Variants in DAPK1 observed in about 807,000 individuals in gnomAD.
DAPK1 encodes the protein death-associated protein kinase 1.
Under a neutral mutation model 144.9 loss-of-function variants are expected in DAPK1, and 56 were observed. The observed-to-expected ratio is 0.39, with a 90% CI of 0.31 to 0.48. The LOEUF (loss-of-function observed/expected upper bound fraction) is 0.48. Among genes scored for constraint, DAPK1 ranks in the 20% least tolerant of loss-of-function variants. The pLI, the probability that DAPK1 is intolerant of heterozygous loss-of-function variation, is 0.95. For synonymous variants in DAPK1, 690 were observed against 749.0 expected (o/e 0.92, Z 1.29); for missense variants, 1,454 against 1,875.4 (o/e 0.78, Z 4.15).
chr9:87,655,004 G>A (rs955575380), intron 17 of DAPK1, among the ~76,000 whole-genome samples: 10 of 152,220 alleles, frequency 6.6e-5, no homozygotes, highest in Admixed American at 2.6e-4. Context: ...TTTTCAGGCT[G>A]CAAATATCTA....
intron 2 of DAPK1, among the ~76,000 whole-genome samples, chr9:87,537,051 A>G (rs1418695044): frequency 6.6e-6 from 1 of 150,740 alleles, no homozygotes; most frequent in East Asian, 1.9e-4. Flanking sequence ...GCGATGGCCC[A>G]ATCTTGGCTC....
intron 2 of DAPK1, among the ~76,000 whole-genome samples, chr9:87,561,395 G>A (rs753951993): frequency 3.3e-5 from 5 of 151,932 alleles, no homozygotes; most frequent in African/African-American, 7.2e-5. Context: ...GCGTTGTGGC[G>A]GGCGCCTGTG....
intron 19 of DAPK1, among the ~76,000 whole-genome samples, chr9:87,670,995 G>A (rs960995474): frequency 1.3e-5 from 2 of 152,186 alleles, no homozygotes; most frequent in African/African-American, 4.8e-5. Flanking sequence ...CTGTTTGGAC[G>A]AGTCTGAAAA....
chr9:87,535,233 C>T (rs1381324113), intron 2 of DAPK1, among the ~76,000 whole-genome samples: 2 of 151,994 alleles, frequency 1.3e-5, no homozygotes, highest in Non-Finnish European at 2.9e-5. Flanking sequence ...CCATTAGCCC[C>T]CCTTTCGTTC....
At chr9:87,623,727 A>G (rs1352282398) in intron 3 of DAPK1, among the ~76,000 whole-genome samples, 1 of 152,072 alleles carries the variant, frequency 6.6e-6, no homozygotes, top group East Asian at 1.9e-4. Flanking sequence ...CCGGGGATCG[A>G]GCTAACATTT....
intron 3 of DAPK1, among the ~76,000 whole-genome samples, chr9:87,636,979 A>G (rs986011828): frequency 6.6e-6 from 1 of 152,174 alleles, no homozygotes; most frequent in Non-Finnish European, 1.5e-5. Context: ...GCAGTAGCCA[A>G]TAGCTGGGGT....
rs371793443 is a variant in DAPK1 at position 87,605,010 on chromosome 9, C to T, written c.119C>T (p.Ala40Val). 8.1e-6 allele frequency: 13 copies of T among 1,614,030 alleles called. No individual in the cohort carries two copies. Among genetic ancestry groups the T allele is most frequent in the Non-Finnish European group, 1.1e-5 (13 of 1,180,032 alleles). Reference protein sequence around the residue: ...CREKSTGLQYAAKFIKKRRTK... With the variant: ...CREKSTGLQYVAKFIKKRRTK... ...GAGAAAAGCACCGGCCTCCAGTATGCCGCCAAATTCATCAAGAAAAGGAGG... is the reference window on the plus strand; with the variant it reads ...GAGAAAAGCACCGGCCTCCAGTATGTCGCCAAATTCATCAAGAAAAGGAGG... Residue 40 changes from alanine to valine, a missense_variant, in exon 3 of 26, where the codon GCC (alanine) becomes GTC (valine). Physicochemically the swap from Ala to Val is moderately conservative, Grantham distance 64. Coordinates refer to ENST00000408954, the MANE Select transcript of DAPK1 (RefSeq NM_004938.4).
intron 3 of DAPK1, among the ~76,000 whole-genome samples, chr9:87,613,763 C>T (rs1256134662): frequency 1.3e-5 from 2 of 152,154 alleles, no homozygotes; most frequent in African/African-American, 4.8e-5. Context: ...TGGCACAGAG[C>T]CCTTCAGTCT....
chr9:87,637,765 G>A (rs1043396681), intron 3 of DAPK1, among the ~76,000 whole-genome samples, 178 bp from the exon 4 acceptor site: 2 of 152,204 alleles, frequency 1.3e-5, no homozygotes, highest in Non-Finnish European at 2.9e-5. Context: ...GCACAAATGT[G>A]TCTGAATGCA....
At chr9:87,666,287 GC>G (rs1831050143) in intron 18 of DAPK1, among the ~76,000 whole-genome samples, 1 of 152,106 alleles carries the variant, frequency 6.6e-6, no homozygotes, top group Non-Finnish European at 1.5e-5. Flanking sequence ...CCACCACATA[GC>G]CGGTGAGGGG....
chr9:87,510,004 G>A (rs950800084), intron 2 of DAPK1, among the ~76,000 whole-genome samples: 5 of 152,108 alleles, frequency 3.3e-5, no homozygotes, highest in East Asian at 1.9e-4. Flanking sequence ...TTTACAGTTC[G>A]CCCATTTAGA....
chr9:87,534,069 T>C (rs1225831955), intron 2 of DAPK1, among the ~76,000 whole-genome samples: 1 of 151,650 alleles, frequency 6.6e-6, no homozygotes, highest in Admixed American at 6.6e-5. Context: ...TTTCTTAGAC[T>C]GTGATCCTGT....
At chr9:87,594,020 A>G (rs970532729) in intron 2 of DAPK1, among the ~76,000 whole-genome samples, 2 of 152,198 alleles carry the variant, frequency 1.3e-5, no homozygotes, top group African/African-American at 4.8e-5. Flanking sequence ...ATTCATTGAA[A>G]TGGAGCAGCC....
At chr9:87,592,741 A>G (rs928943588) in intron 2 of DAPK1, among the ~76,000 whole-genome samples, 3 of 151,792 alleles carry the variant, frequency 2.0e-5, no homozygotes, top group Non-Finnish European at 4.4e-5. Context: ...TTCTGCTTCC[A>G]CTGAGAGAAT....
At position 87,526,621 on chromosome 9, in the gene DAPK1, G is replaced by A. The variant is rs151160777; in HGVS notation, c.62+27482G>A. On this transcript the variant is annotated intron_variant, in intron 2 of 25. Transcript: ENST00000408954. Reference sequence around the variant, plus strand: ...CCATTAGTCTATGGGAAGCTTTCTAGAGAATCATTGTGATTCTAACCAGGT... The same window carrying A: ...CCATTAGTCTATGGGAAGCTTTCTAAAGAATCATTGTGATTCTAACCAGGT... Among the ~76,000 whole-genome samples, 317 of 152,284 alleles carry A rather than the reference G, an allele frequency of 2.1e-3. 1 individual carries two copies. Among genetic ancestry groups the A allele is most frequent in the African/African-American group, 7.1e-3 (297 of 41,550 alleles).
chr9:87,590,258 T>A (rs979867581), intron 2 of DAPK1, among the ~76,000 whole-genome samples: 33 of 151,064 alleles, frequency 2.2e-4, no homozygotes, highest in South Asian at 2.1e-4. Flanking sequence ...CTCGAATTTT[T>A]AAAAAAAATA....
chr9:87,706,723 A>C lies in DAPK1; in HGVS notation c.3652A>C (p.Thr1218Pro). ...CCLLLDSVCSTIENVMATTLP... is the reference protein window; with the variant it reads ...CCLLLDSVCSPIENVMATTLP... ...CCTGCTGCTGGACTCGGTGTGCAGC[A>C]CCATTGAGAACGTCATGGCCACCAC... is the stretch of plus-strand genomic sequence containing the variant. Residue 1218 changes from threonine (T) to proline (P), a missense_variant, in exon 26 of 26, where the codon ACC becomes CCC. Thr to Pro is a conservative substitution (Grantham distance 38). This residue lies in a region of DAPK1 where 1,025 missense variants were observed against 1,237.9 expected (regional missense o/e 0.83). Coordinates refer to ENST00000408954, the MANE Select transcript of DAPK1 (RefSeq NM_004938.4). The surrounding 1 kb of genome is among the most constrained non-coding windows in gnomAD (Gnocchi z 9.0). 6.2e-7 allele frequency: 1 copy of C among 1,613,040 alleles called. No homozygotes were observed. Among genetic ancestry groups the C allele is most frequent in the Non-Finnish European group, 8.5e-7 (1 of 1,179,684 alleles).
chr9:87,499,196 G>A (rs1824306162), intron 2 of DAPK1, 57 bp downstream of exon 2: 4 of 1,409,004 alleles, frequency 2.8e-6, no homozygotes, highest in East Asian at 2.3e-5. Context: ...TAACGATGGG[G>A]CCATTGGGTG....
At chr9:87,648,328 A>G (rs1830336107) in intron 14 of DAPK1, among the ~76,000 whole-genome samples, 1 of 152,272 alleles carries the variant, frequency 6.6e-6, no homozygotes, top group African/African-American at 2.4e-5. Flanking sequence ...TTTCTGAGAA[A>G]ATCTCTGAGA....
Sources: gnomAD v4.1 joint callset for allele counts (sites outside exome capture counted in the v4.1 genomes callset) on GRCh38, gnomAD v4.1.1 for gene constraint, gnomAD v4.1.1 regional missense constraint, Gnocchi (gnomAD v3.1) non-coding constraint, MANE v1.5 for transcripts, NCBI Gene and HGNC (gene_info 2026-07-23, HGNC 2026-07-21) for gene names.